Variants in RAB2A observed in about 807,000 individuals in gnomAD.
RAB2A encodes the protein RAB2A, member RAS oncogene family, also known as ras-related protein Rab-2A.
In RAB2A, 7 loss-of-function variants were observed where a neutral mutation model predicts 32.5. That is an observed-to-expected ratio of 0.22 (90% CI 0.12 to 0.40). The LOEUF (loss-of-function observed/expected upper bound fraction) is 0.40, where lower values mean the gene tolerates loss of function less well. Among genes scored for constraint, RAB2A ranks in the 10% least tolerant of loss-of-function variants. The pLI, the probability that RAB2A is intolerant of heterozygous loss-of-function variation, is 1.00. For synonymous variants in RAB2A, 79 were observed against 85.2 expected (o/e 0.93, Z 0.40); for missense variants, 108 against 260.7 (o/e 0.41, Z 4.03).
At chr8:60,563,653 A>G (rs1808060335) in intron 2 of RAB2A, among the ~76,000 whole-genome samples, 1 of 152,150 alleles carries the variant, frequency 6.6e-6, no homozygotes, top group South Asian at 2.1e-4. Context: ...CATCATTACC[A>G]ATATCTGGAA....
At chr8:60,545,547 C>G (rs655355) in intron 1 of RAB2A, among the ~76,000 whole-genome samples, 1 of 152,122 alleles carries the variant, frequency 6.6e-6, no homozygotes, top group Admixed American at 6.5e-5. Flanking sequence ...TCCCGAAGCA[C>G]TGGGTTATAG....
chr8:60,580,339 A>G (rs1406397492), intron 3 of RAB2A, among the ~76,000 whole-genome samples: 1 of 152,156 alleles, frequency 6.6e-6, no homozygotes, highest in Non-Finnish European at 1.5e-5. Context: ...TAATATGTCA[A>G]GGTAGTTAAC....
intron 4 of RAB2A, 106 bp from the exon 5 acceptor site, chr8:60,584,617 A>C: frequency 1.1e-6 from 1 of 881,376 alleles, no homozygotes; most frequent in South Asian, 1.8e-5. Flanking sequence ...CTCGTTACAT[A>C]AGTGGATATG....
At chr8:60,571,378 C>A (rs143275973) in intron 2 of RAB2A, among the ~76,000 whole-genome samples, 2,728 of 152,206 alleles carry the variant, frequency 0.018, 55 homozygotes, top group Admixed American at 0.06. Flanking sequence ...ATGCAGACAT[C>A]AAAAATAATG....
chr8:60,615,514 T>C (rs904975760), intron 6 of RAB2A, among the ~76,000 whole-genome samples: 2 of 152,216 alleles, frequency 1.3e-5, no homozygotes, highest in South Asian at 4.1e-4. Flanking sequence ...ATGGGATTGA[T>C]ATTTAATGAA....
At position 60,614,907 on chromosome 8, in the gene RAB2A, A is replaced by C. The variant is rs1804424059; in HGVS notation, c.475-3673A>C. ...AGGCAGGCTTCTTTTACTGCAACAG[A>C]GCACCGGCCACATGGGGAAGCAGGA... On this transcript the variant is annotated intron_variant, in intron 6 of 7. Coordinates refer to ENST00000262646, the MANE Select transcript of RAB2A (RefSeq NM_002865.3). Among the ~76,000 whole-genome samples the C allele has an allele frequency of 2.0e-5, 3 of 152,204 alleles. No homozygotes were observed. The South Asian group carries it at 6.2e-4, about 31-fold the overall frequency.
intron 2 of RAB2A, 83 bp from the exon 3 acceptor site, chr8:60,571,963 G>A: frequency 1.0e-6 from 1 of 959,766 alleles, no homozygotes; most frequent in Non-Finnish European, 1.6e-6. Context: ...GCATGTCTTG[G>A]AAGTAAACAT....
At chr8:60,610,004 C>G (rs1464304068) in intron 6 of RAB2A, among the ~76,000 whole-genome samples, 1 of 150,726 alleles carries the variant, frequency 6.6e-6, no homozygotes. Flanking sequence ...GCAAATTGGC[C>G]TCTCATCAGG....
At chr8:60,551,775 C>T (rs185956742) in intron 1 of RAB2A, among the ~76,000 whole-genome samples, 1 of 152,050 alleles carries the variant, frequency 6.6e-6, no homozygotes, top group African/African-American at 2.4e-5. Context: ...CTCACTGCAA[C>T]CTCAAACTCC....
chr8:60,585,431 G>A (rs1206888991), intron 5 of RAB2A, among the ~76,000 whole-genome samples: 1 of 152,058 alleles, frequency 6.6e-6, no homozygotes, highest in Non-Finnish European at 1.5e-5. Flanking sequence ...TCCTGCCTCA[G>A]CCTCCAAAGT....
At chr8:60,595,255 A>G (rs1272811437) in intron 6 of RAB2A, among the ~76,000 whole-genome samples, 5 of 152,266 alleles carry the variant, frequency 3.3e-5, no homozygotes, top group Admixed American at 2.0e-4. Context: ...TGTTTGAAGT[A>G]TAAACAAGTA....
At chr8:60,519,458 T>C (rs1807267808) in intron 1 of RAB2A, among the ~76,000 whole-genome samples, 1 of 152,212 alleles carries the variant, frequency 6.6e-6, no homozygotes, top group South Asian at 2.1e-4. Flanking sequence ...GATCCATCAG[T>C]CCTTCAAAGT....
chr8:60,606,151 A>AAAAC (rs148384210), intron 6 of RAB2A, among the ~76,000 whole-genome samples: 25 of 152,028 alleles, frequency 1.6e-4, no homozygotes, highest in Non-Finnish European at 2.9e-4. Context: ...TCCGTCTTAG[A>AAAAC]AAACAAACAA....
intron 3 of RAB2A, among the ~76,000 whole-genome samples, chr8:60,582,844 G>A (rs1415060021): frequency 6.6e-6 from 1 of 152,090 alleles, no homozygotes; most frequent in East Asian, 1.9e-4. Flanking sequence ...TCCAATAATG[G>A]AACACTAGGC....
intron 1 of RAB2A, chr8:60,558,574 C>T: frequency 2.0e-6 from 1 of 503,408 alleles, no homozygotes; most frequent in South Asian, 1.7e-5. Context: ...CCAGAAGGAC[C>T]TGGTTAGTTG....
Position 60,517,005 on chromosome 8 carries a change from G to T in RAB2A, c.-203G>T, listed in dbSNP as rs1048758502. 3 of 483,300 alleles carry T rather than the reference G, an allele frequency of 6.2e-6. No individual in the cohort carries two copies. Among genetic ancestry groups the T allele is most frequent in the Admixed American group, 4.4e-5 (1 of 22,550 alleles). 29.9% of individuals were successfully genotyped at this position (483,300 alleles called of 1,614,324 possible). On this transcript the variant is annotated 5_prime_UTR_variant, in exon 1 of 8. Coordinates refer to ENST00000262646, the MANE Select transcript of RAB2A (RefSeq NM_002865.3). ...GGCTGTTATTGTTCGGCTGGGCTCG[G>T]TCGGGCGCTGTCTCCCTCGGCTCTG...
chr8:60,550,657 G>A (rs1191686059), intron 1 of RAB2A, among the ~76,000 whole-genome samples: 1 of 152,028 alleles, frequency 6.6e-6, no homozygotes, highest in Non-Finnish European at 1.5e-5. Context: ...AAAGTGCTAG[G>A]GAAGGCATGA....
Position 60,598,937 on chromosome 8 carries a change from C to CAAAAAAAAAAAAAAAAAAAAAAAAAA in RAB2A, c.474+6972_474+6997dup, listed in dbSNP as rs56406651. On this transcript the variant is annotated intron_variant, in intron 6 of 7. Coordinates refer to ENST00000262646, the MANE Select transcript of RAB2A (RefSeq NM_002865.3). The stretch of plus-strand genomic sequence containing the variant: ...GGAAGTTCTAGCCAGTGCAGTAAAG[C>CAAAAAAAAAAAAAAAAAAAAAAAAAA]AAAAAAAAAAAAAAAAAAAAAAAAA... Among the ~76,000 whole-genome samples the CAAAAAAAAAAAAAAAAAAAAAAAAAA allele has an allele frequency of 1.2e-4, 5 of 40,368 alleles. 1 individual carries two copies. Among genetic ancestry groups the CAAAAAAAAAAAAAAAAAAAAAAAAAA allele is most frequent in the Non-Finnish European group, 2.0e-4 (4 of 19,642 alleles). The allele number at this position is 40,368 out of a possible 152,430, so 26.5% of individuals were successfully genotyped here.
intron 6 of RAB2A, among the ~76,000 whole-genome samples, chr8:60,605,700 C>A (rs552103145): frequency 6.6e-6 from 1 of 152,100 alleles, no homozygotes; most frequent in African/African-American, 2.4e-5. Context: ...TTGTATGGCA[C>A]CTATAGCCCC....
Sources: allele counts gnomAD v4.1 joint callset (sites outside exome capture counted in the v4.1 genomes callset), GRCh38; gene constraint gnomAD v4.1.1; transcripts MANE v1.5; gene names NCBI Gene and HGNC (gene_info 2026-07-23, HGNC 2026-07-21).